Variants in DKKL1 observed in about 807,000 individuals in gnomAD.
DKKL1 encodes dickkopf like acrosomal protein 1, also known as dickkopf-like protein 1.
In DKKL1, 11 loss-of-function variants were observed where a neutral mutation model predicts 16.5. That is an observed-to-expected ratio of 0.67 (90% CI 0.42 to 1.10). The LOEUF (loss-of-function observed/expected upper bound fraction) is 1.10. Among genes scored for constraint, DKKL1 ranks in the 50% least tolerant of loss-of-function variants. DKKL1 has a pLI of 0.00. For missense variants in DKKL1, 320 were observed against 308.1 expected (o/e 1.04, Z -0.29); for synonymous variants, 119 against 133.2 (o/e 0.89, Z 0.73).
chr19:49,363,588 G>A (rs989022970), upstream of DKKL1: 6 of 332,360 alleles, frequency 1.8e-5, no homozygotes, highest in Non-Finnish European at 3.5e-5. Flanking sequence ...GCGGGACTCC[G>A]AAACGAGGGC....
intron 4 of DKKL1, 120 bp from the exon 5 acceptor site, chr19:49,374,597 G>C (rs896365752): frequency 6.9e-6 from 6 of 870,740 alleles, no homozygotes; most frequent in Non-Finnish European, 1.0e-5. Flanking sequence ...CCTCAAACAG[G>C]GCTTTTGAAC....
At position 49,366,713 on chromosome 19, in the gene DKKL1, G is replaced by T. The variant is rs200652421; in HGVS notation, c.417+828G>T. Among the ~76,000 whole-genome samples the T allele has an allele frequency of 5.9e-4, 86 of 144,660 alleles. No homozygotes were observed. In the East Asian group the frequency reaches 0.014, roughly 23 times the overall value. The allele number at this position is 144,660 out of a possible 152,430, so 94.9% of individuals were successfully genotyped here. A position where few individuals can be genotyped will look rare whatever the true frequency, so the allele number is the denominator to read the frequency against. On this transcript the variant is annotated intron_variant, in intron 4 of 4. Transcript: ENST00000221498. ...GGGGTTTTTTTTGTTTGTTTTTTTG[G>T]TTTTTTTTTTTGAGAATGGAGTCTT... is the stretch of plus-strand genomic sequence containing the variant.
At position 49,374,950 on chromosome 19, in the gene DKKL1, C is replaced by A. The variant is rs377449896; in HGVS notation, c.651C>A (p.Thr217=). 30 of 1,613,576 alleles carry A rather than the reference C, an allele frequency of 1.9e-5. No individual in the cohort carries two copies. Among genetic ancestry groups the A allele is most frequent in the African/African-American group, 1.3e-4 (10 of 74,874 alleles). ...ACAAGGACGTCCTAGAAGAGGGGAC[C>A]GAGAGCTCCTCCCACTCCAGGCTGT... ...GTHKDVLEEG[T]ESSSHSRLSP... The change falls in exon 5 of 5, where the codon ACC becomes ACA. Residue 217 remains threonine, a synonymous_variant. Coordinates refer to ENST00000221498, the MANE Select transcript of DKKL1 (RefSeq NM_014419.4).
chr19:49,373,698 G>A (rs1184702715), intron 4 of DKKL1, among the ~76,000 whole-genome samples: 1 of 151,956 alleles, frequency 6.6e-6, no homozygotes, highest in African/African-American at 2.4e-5. Flanking sequence ...TCAAACTCCT[G>A]ACCTCAAGTG....
rs778516135 is a variant in DKKL1, at chr19:49,374,885, C to T, written c.586C>T (p.Arg196Cys). The change falls in exon 5 of 5, where the codon CGC becomes TGC. Residue 196 changes from arginine (R) to cysteine (C), a missense_variant. Arg to Cys is a radical substitution (Grantham distance 180). Coordinates refer to ENST00000221498, the MANE Select transcript of DKKL1 (RefSeq NM_014419.4). ...CCACTGGCTCAGCGAGAAGCGACAC[C>T]GCCTGCAGGCCATCCGGGATGGACT... ...GGHWLSEKRH[R>C]LQAIRDGLRK... 2.8e-5 allele frequency: 45 copies of T among 1,613,874 alleles called. No individual in the cohort carries two copies. The highest frequency in any genetic ancestry group is 2.2e-5 in the East Asian group (1 of 44,884).
chr19:49,363,792 C>T (rs1973117197), upstream of DKKL1: 3 of 681,640 alleles, frequency 4.4e-6, no homozygotes, highest in Middle Eastern at 1.2e-3. Flanking sequence ...GGCCCGGGCT[C>T]CTGGGTGAGG....
upstream of DKKL1, among the ~76,000 whole-genome samples, chr19:49,362,085 C>T (rs540642456): frequency 1.3e-5 from 2 of 152,312 alleles, no homozygotes; most frequent in East Asian, 3.9e-4. Flanking sequence ...AAAGTGACAC[C>T]GCCGCAGACG....
At chr19:49,374,652 TGG>T (rs1325217492) in intron 4 of DKKL1, 63 bp from the exon 5 acceptor site, 1 of 1,471,690 alleles carries the variant, frequency 6.8e-7, no homozygotes, top group East Asian at 2.4e-5. Flanking sequence ...AATAGGTCAG[TGG>T]GGACTGACCA....
upstream of DKKL1, among the ~76,000 whole-genome samples, chr19:49,362,918 TGTTTTTTGTTTTTTTTG>T (rs747349227): frequency 0.027 from 3,700 of 135,944 alleles, 225 homozygotes; most frequent in African/African-American, 0.097. Flanking sequence ...TTGGTTTTTT[TGTTTTTTGTTTTTTTTG>T]TTTTTTTTTT....
At chr19:49,367,167 C>T (rs1973285044) in intron 4 of DKKL1, among the ~76,000 whole-genome samples, 1 of 151,918 alleles carries the variant, frequency 6.6e-6, no homozygotes, top group South Asian at 2.1e-4. Flanking sequence ...GATGGGACTA[C>T]AAGTACGTGC....
intron 1 of DKKL1, among the ~76,000 whole-genome samples, 153 bp downstream of exon 1, chr19:49,364,161 G>A (rs115412160): frequency 0.011 from 1,599 of 152,198 alleles, 28 homozygotes; most frequent in African/African-American, 0.036. Flanking sequence ...ACCAGCCTGG[G>A]CAATATGTCG....
upstream of DKKL1, chr19:49,363,493 G>A (rs1450706726): frequency 9.1e-6 from 2 of 218,622 alleles, no homozygotes; most frequent in African/African-American, 2.3e-5. Flanking sequence ...GCAAGATCTG[G>A]GACGCAGGGG....
In DKKL1 at chr19:49,365,183, T is replaced by C. The variant is rs572376021; in HGVS notation, c.184-326T>C. Among the ~76,000 whole-genome samples, 7 of 150,894 alleles carry C rather than the reference T, an allele frequency of 4.6e-5. No individual in the cohort carries two copies. In the South Asian group the frequency reaches 1.5e-3, roughly 32 times the overall value. On this transcript the variant is annotated intron_variant, in intron 2 of 4. Coordinates refer to ENST00000221498, the MANE Select transcript of DKKL1 (RefSeq NM_014419.4). ...GACCCTGTCTCTAAACAAATAAATA[T>C]ATACGTGCATAAATAAGAGAGGAAA... is the stretch of plus-strand genomic sequence containing the variant.
intron 4 of DKKL1, chr19:49,369,184 T>C (rs1973376169): frequency 6.6e-6 from 1 of 152,128 alleles, no homozygotes. Context: ...CTGAGAAAAC[T>C]TTTTGTCTGA....
At chr19:49,361,808 A>AG (rs11421569), upstream of DKKL1, 39,410 of 152,614 alleles carry the variant, frequency 0.26, 5,292 homozygotes, top group African/African-American at 0.31. Context: ...CAAAGACCCC[A>AG]GCCAAGCCCA....
chr19:49,363,477 A>C (rs73066930), upstream of DKKL1: 48,288 of 197,872 alleles, frequency 0.24, 6,354 homozygotes, highest in African/African-American at 0.31. Flanking sequence ...ACTTGGGGTG[A>C]TGAGGGCAAG....
At chr19:49,365,907 A>G in intron 4 of DKKL1, 22 bp downstream of exon 4, 1 of 1,608,674 alleles carries the variant, frequency 6.2e-7, no homozygotes, top group Non-Finnish European at 8.5e-7. Context: ...CCCCGCCGTC[A>G]AAGTGTCCAG....
chr19:49,361,492 A>G (rs1178206372), upstream of DKKL1: 1 of 152,570 alleles, frequency 6.6e-6, no homozygotes, highest in Non-Finnish European at 1.5e-5. Context: ...GCGCCCTGCC[A>G]TCAGAAGAGC....
At chr19:49,371,535 T>G (rs1313301021) in intron 4 of DKKL1, among the ~76,000 whole-genome samples, 2 of 150,110 alleles carry the variant, frequency 1.3e-5, no homozygotes, top group Non-Finnish European at 2.9e-5. Context: ...TAAATGATCT[T>G]TTATGCTTTG....
Sources: gnomAD v4.1 joint callset for allele counts (sites outside exome capture counted in the v4.1 genomes callset) on GRCh38, gnomAD v4.1.1 for gene constraint, MANE v1.5 for transcripts, NCBI Gene and HGNC (gene_info 2026-07-23, HGNC 2026-07-21) for gene names.